Variants in SUGP2 observed in about 807,000 individuals in gnomAD.
The protein encoded by SUGP2 is SURP and G-patch domain-containing protein 2.
Under a neutral mutation model 90.5 loss-of-function variants are expected in SUGP2, and 24 were observed. The ratio of observed to expected loss-of-function variants is 0.27; its 90% CI spans 0.19 to 0.37. SUGP2 has a LOEUF of 0.37. SUGP2 is among the 10% of genes least tolerant of loss of function. SUGP2 has a pLI of 1.00. For missense variants in SUGP2, 1,233 were observed against 1,363.3 expected (o/e 0.90, Z 1.51); for synonymous variants, 473 against 513.4 (o/e 0.92, Z 1.06).
intron 4 of SUGP2, among the ~76,000 whole-genome samples, chr19:19,017,538 A>G (rs1267958435): frequency 6.6e-6 from 1 of 152,052 alleles, no homozygotes; most frequent in Admixed American, 6.5e-5. Flanking sequence ...TTGGGAGGCC[A>G]AGGCAGGCGG....
chr19:19,027,636 CT>C (rs923884609), intron 2 of SUGP2, among the ~76,000 whole-genome samples: 46 of 144,748 alleles, frequency 3.2e-4, no homozygotes, highest in Non-Finnish European at 3.2e-4. Context: ...TTTTTTTTTT[CT>C]TTTTTTTTTT....
chr19:19,033,423 G>A lies in SUGP2; in HGVS notation c.-12+14C>T, dbSNP rs1471109353. ...GGGAGCCACCCACCGACGACGCCAG[G>A]GCCCGGGCCTCACCCCGAGACCACC... On this transcript the variant is annotated intron_variant, in intron 1 of 10. Coordinates refer to ENST00000452918, the MANE Select transcript of SUGP2 (RefSeq NM_001017392.5). The A allele has an allele frequency of 1.5e-6, 2 of 1,339,066 alleles. No homozygotes were observed. Among genetic ancestry groups the A allele is most frequent in the Middle Eastern group, 2.9e-4 (1 of 3,484 alleles). The allele number at this position is 1,339,066 out of a possible 1,614,324, so 82.9% of individuals were successfully genotyped here.
intron 4 of SUGP2, among the ~76,000 whole-genome samples, chr19:19,016,343 T>C (rs569632828): frequency 1.3e-5 from 2 of 152,020 alleles, no homozygotes; most frequent in Admixed American, 6.6e-5. Flanking sequence ...CCCTGCCCCC[T>C]ATCCAAACAT....
chr19:19,014,779 C>T (rs1398102139), intron 4 of SUGP2, among the ~76,000 whole-genome samples: 9 of 148,280 alleles, frequency 6.1e-5, no homozygotes. Flanking sequence ...GCCTGGGCAA[C>T]AGAATGAAAA....
chr19:19,016,654 T>C (rs572931790), intron 4 of SUGP2, among the ~76,000 whole-genome samples: 4 of 152,256 alleles, frequency 2.6e-5, no homozygotes, highest in African/African-American at 9.6e-5. Flanking sequence ...CTCTTACTAG[T>C]TGTGGATCCT....
chr19:19,013,467 T>A (rs987907196), intron 4 of SUGP2, among the ~76,000 whole-genome samples: 1 of 152,214 alleles, frequency 6.6e-6, no homozygotes, highest in African/African-American at 2.4e-5. Context: ...TCTGTTCCTT[T>A]AATGGCTAAT....
intron 2 of SUGP2, 144 bp downstream of exon 2, chr19:19,030,807 T>C (rs750456834): frequency 6.8e-6 from 7 of 1,034,562 alleles, no homozygotes; most frequent in Non-Finnish European, 9.8e-6. Flanking sequence ...CAAACCAAAA[T>C]AAAAACCTTT....
intron 3 of SUGP2, 141 bp downstream of exon 3, chr19:19,024,478 T>C (rs1030269306): frequency 5.7e-6 from 5 of 870,612 alleles, no homozygotes; most frequent in African/African-American, 5.1e-5. Context: ...CAGACATATA[T>C]TGGCCAATGT....
At chr19:19,007,023 G>A (rs183602852) in intron 6 of SUGP2, among the ~76,000 whole-genome samples, 4 of 152,354 alleles carry the variant, frequency 2.6e-5, no homozygotes, top group Admixed American at 1.3e-4. Flanking sequence ...GGACCAGCAC[G>A]AGGAGTTGAG....
intron 4 of SUGP2, among the ~76,000 whole-genome samples, chr19:19,017,515 T>C (rs2058545785): frequency 6.6e-6 from 1 of 152,202 alleles, no homozygotes; most frequent in Non-Finnish European, 1.5e-5. Context: ...CTCACGCCTG[T>C]AATCCCAGCA....
chr19:19,033,204 T>C (rs998997469), intron 1 of SUGP2: 32 of 265,626 alleles, frequency 1.2e-4, no homozygotes, highest in Admixed American at 6.0e-5. Flanking sequence ...CCAATGAGCC[T>C]TTGTGGACGC....
chr19:19,016,002 C>T (rs372193951), intron 4 of SUGP2, among the ~76,000 whole-genome samples: 3 of 152,152 alleles, frequency 2.0e-5, no homozygotes, highest in South Asian at 2.1e-4. Flanking sequence ...ACTCTTATTA[C>T]CTGAGACTAT....
chr19:19,015,247 G>A (rs533864212), intron 4 of SUGP2, among the ~76,000 whole-genome samples: 1 of 151,960 alleles, frequency 6.6e-6, no homozygotes, highest in Admixed American at 6.6e-5. Context: ...AATAAAAAGA[G>A]ATACAGAGGT....
rs34670209 is a variant in SUGP2, at chr19:19,007,755, C to CTTTTTTTTTTTTTT, written c.2450+548_2450+561dup. 3.5e-5 allele frequency among the ~76,000 whole-genome samples: 4 copies of CTTTTTTTTTTTTTT among 113,434 alleles called. 1 individual carries two copies. Among genetic ancestry groups the CTTTTTTTTTTTTTT allele is most frequent in the South Asian group, 5.5e-4 (2 of 3,624 alleles). 74.4% of individuals were successfully genotyped at this position (113,434 alleles called of 152,430 possible). A position where few individuals can be genotyped will look rare whatever the true frequency, so the allele number is the denominator to read the frequency against. ...ACAAGCATGAGCCATTGCACCTAGC[C>CTTTTTTTTTTTTTT]TTTTTTTTTTTTTTTTTTTTTGGAG... On this transcript the variant is annotated intron_variant, in intron 6 of 10. Transcript: ENST00000452918.
chr19:19,010,301 T>C lies in SUGP2; in HGVS notation c.1892A>G (p.Lys631Arg). The change falls in exon 5 of 11, where the codon AAG becomes AGG. Residue 631 changes from lysine (K) to arginine (R), a missense_variant. Physicochemically the swap from Lys to Arg is conservative, Grantham distance 26. This residue lies in a region of SUGP2 where 540 missense variants were observed against 542.6 expected (regional missense o/e 1.00). Coordinates refer to ENST00000452918, the MANE Select transcript of SUGP2 (RefSeq NM_001017392.5). ...CCGCTGCATTTCTGCCAACTTCAGCTTGTAATATTTATACTCCAGACTATT... is the reference window on the plus strand; with the variant it reads ...CCGCTGCATTTCTGCCAACTTCAGCCTGTAATATTTATACTCCAGACTATT... Reference protein sequence around the residue: ...DENSLEYKYYKLKLAEMQRMS... With the variant: ...DENSLEYKYYRLKLAEMQRMS... 7 of 1,613,550 alleles carry C rather than the reference T, an allele frequency of 4.3e-6. No homozygotes were observed. The highest frequency in any genetic ancestry group is 5.1e-6 in the Non-Finnish European group (6 of 1,180,044).
chr19:19,005,877 A>AC lies in SUGP2; in HGVS notation c.2451-1232dup, dbSNP rs199806625. Among the ~76,000 whole-genome samples the AC allele has an allele frequency of 2.2e-3, 128 of 58,004 alleles. 2 individuals are homozygous for AC. The highest frequency in any genetic ancestry group is 4.9e-3 in the South Asian group (7 of 1,422). 38.1% of individuals were successfully genotyped at this position (58,004 alleles called of 152,430 possible). On this transcript the variant is annotated intron_variant, in intron 6 of 10. Transcript: ENST00000452918. Reference sequence around the variant, plus strand: ...CACACACACACACACACACACACACACACACACACACACACCACACACACA... The same window carrying AC: ...CACACACACACACACACACACACACACCACACACACACACACCACACACACA...
intron 2 of SUGP2, among the ~76,000 whole-genome samples, chr19:19,028,480 T>C (rs1196676174): frequency 3.3e-5 from 5 of 152,200 alleles, no homozygotes; most frequent in African/African-American, 1.2e-4. Flanking sequence ...ATGATTGGTA[T>C]TGATGGCATG....
At chr19:19,001,919 G>A (rs897613801) in intron 7 of SUGP2, among the ~76,000 whole-genome samples, 3 of 152,158 alleles carry the variant, frequency 2.0e-5, no homozygotes, top group Admixed American at 6.5e-5. Flanking sequence ...TTCACTGAGC[G>A]GTGCCTTGCT....
rs2058866022 is a variant in SUGP2 at position 19,024,951 on chromosome 19, G to A, written c.1397C>T (p.Ala466Val). 1.2e-5 allele frequency: 19 copies of A among 1,614,212 alleles called. No individual in the cohort carries two copies. The highest frequency in any genetic ancestry group is 1.6e-5 in the Non-Finnish European group (19 of 1,180,030). Residue 466 changes from alanine (A) to valine (V), a missense_variant, in exon 3 of 11, where the codon GCT becomes GTT. Physicochemically the swap from Ala to Val is moderately conservative, Grantham distance 64. Around this residue, in one of 8 missense-constraint regions of SUGP2, gnomAD observed 59 missense variants for 92.6 expected, o/e 0.64. Transcript: ENST00000452918. ...MKTLSNPLDL[A>V]LALETTNSLC... Reference sequence around the variant, plus strand: ...AGAGTTGGTGGTTTCTAGGGCAAGAGCCAAGTCCAGGGGGTTACTGAGGGT... The same window carrying A: ...AGAGTTGGTGGTTTCTAGGGCAAGAACCAAGTCCAGGGGGTTACTGAGGGT...
Sources: gnomAD v4.1 joint callset for allele counts (sites outside exome capture counted in the v4.1 genomes callset) on GRCh38, gnomAD v4.1.1 for gene constraint, gnomAD v4.1.1 regional missense constraint, MANE v1.5 for transcripts, NCBI Gene and HGNC (gene_info 2026-07-23, HGNC 2026-07-21) for gene names.